Variants in BMP6 observed in about 807,000 individuals in gnomAD.
BMP6 encodes the protein bone morphogenetic protein 6.
Under a neutral mutation model 54.1 loss-of-function variants are expected in BMP6, and 17 were observed. The ratio of observed to expected loss-of-function variants is 0.31; its 90% CI spans 0.22 to 0.47. The LOEUF (loss-of-function observed/expected upper bound fraction) is 0.47, where lower values mean the gene tolerates loss of function less well. BMP6 is among the 20% of genes least tolerant of loss of function. BMP6 has a pLI of 1.00. For synonymous variants in BMP6, 328 were observed against 291.2 expected (o/e 1.13, Z -1.28); for missense variants, 720 against 690.4 (o/e 1.04, Z -0.48).
intron 1 of BMP6, among the ~76,000 whole-genome samples, chr6:7,751,498 A>G (rs1309121335): frequency 1.3e-5 from 2 of 152,222 alleles, no homozygotes; most frequent in Admixed American, 1.3e-4. Flanking sequence ...ACAATACCTA[A>G]CAGTGCAGCA....
chr6:7,781,529 T>C (rs1757948929), intron 1 of BMP6, among the ~76,000 whole-genome samples: 1 of 151,596 alleles, frequency 6.6e-6, no homozygotes, highest in South Asian at 2.1e-4. Context: ...AGTCTGGCTT[T>C]GGCTTGTACT....
intron 1 of BMP6, among the ~76,000 whole-genome samples, chr6:7,769,400 TA>T (rs1459119988): frequency 1.3e-5 from 2 of 152,216 alleles, no homozygotes; most frequent in Non-Finnish European, 2.9e-5. Flanking sequence ...TCAGCATGTT[TA>T]AAAAGCTCCC....
Position 7,862,453 on chromosome 6 carries a change from C to T in BMP6, c.1159C>T (p.Arg387Cys), listed in dbSNP as rs1306853486. 6.2e-7 allele frequency: 1 copy of T among 1,614,190 alleles called. No homozygotes were observed. Among genetic ancestry groups the T allele is most frequent in the Non-Finnish European group, 8.5e-7 (1 of 1,180,044 alleles). ...CCGGCGCCGACAACAGAGTCGTAATCGCTCTACCCAGTCCCAGGACGTGGC... is the reference window on the plus strand; with the variant it reads ...CCGGCGCCGACAACAGAGTCGTAATTGCTCTACCCAGTCCCAGGACGTGGC... ...SSRRRQQSRN[R>C]STQSQDVARV... Residue 387 changes from arginine (R) to cysteine (C), a missense_variant, in exon 4 of 7, where the codon CGC (arginine) becomes TGC (cysteine). This residue lies in a region of BMP6 where 650 missense variants were observed against 556.3 expected (regional missense o/e 1.17). Transcript: ENST00000283147.
chr6:7,863,678 G>A (rs553724972), intron 4 of BMP6, among the ~76,000 whole-genome samples: 7 of 152,166 alleles, frequency 4.6e-5, no homozygotes, highest in South Asian at 2.1e-4. Flanking sequence ...GGGCAAGAGA[G>A]AGAAACCAGC....
At chr6:7,754,874 C>T (rs921649210) in intron 1 of BMP6, among the ~76,000 whole-genome samples, 4 of 152,096 alleles carry the variant, frequency 2.6e-5, no homozygotes, top group Admixed American at 6.6e-5. Flanking sequence ...CTTGCCACCA[C>T]GCCCGGCTAA....
chr6:7,805,240 T>C (rs1011699949), intron 1 of BMP6, among the ~76,000 whole-genome samples: 9 of 152,302 alleles, frequency 5.9e-5, no homozygotes, highest in African/African-American at 2.2e-4. Context: ...TCTTTCATCT[T>C]TTCAGTGCAG....
chr6:7,757,496 C>T (rs1332777849), intron 1 of BMP6, among the ~76,000 whole-genome samples: 1 of 152,144 alleles, frequency 6.6e-6, no homozygotes, highest in African/African-American at 2.4e-5. Context: ...ATTAAGGGCC[C>T]ACCCTACTCC....
At chr6:7,764,958 G>T (rs1010571209) in intron 1 of BMP6, among the ~76,000 whole-genome samples, 3 of 152,164 alleles carry the variant, frequency 2.0e-5, no homozygotes, top group African/African-American at 7.2e-5. Flanking sequence ...TTATATAATA[G>T]ACATTTTCAT....
At chr6:7,771,911 G>A (rs1313030038) in intron 1 of BMP6, among the ~76,000 whole-genome samples, 1 of 152,016 alleles carries the variant, frequency 6.6e-6, no homozygotes, top group Admixed American at 6.6e-5. Context: ...AAATTAGCCA[G>A]GCGTGATGGT....
intron 1 of BMP6, among the ~76,000 whole-genome samples, chr6:7,805,537 C>T (rs565699219): frequency 3.3e-5 from 5 of 152,050 alleles, no homozygotes; most frequent in Admixed American, 6.5e-5. Context: ...TGGTTTAGGA[C>T]GGATGGAATT....
At chr6:7,820,199 A>C (rs1317285893) in intron 1 of BMP6, among the ~76,000 whole-genome samples, 4 of 152,268 alleles carry the variant, frequency 2.6e-5, no homozygotes, top group East Asian at 1.9e-4. Context: ...ATGTGTGTGC[A>C]TATACAAATG....
In BMP6 at chr6:7,880,215, T is replaced by C; in HGVS notation, c.1414T>C (p.Tyr472His). 6.2e-7 allele frequency: 1 copy of C among 1,614,126 alleles called. No homozygotes were observed. The highest frequency in any genetic ancestry group is 8.5e-7 in the Non-Finnish European group (1 of 1,180,022). Reference sequence around the variant, plus strand: ...ACAGGTTCACCTTATGAACCCCGAGTATGTCCCCAAACCGTGCTGTGCGCC... The same window carrying C: ...ACAGGTTCACCTTATGAACCCCGAGCATGTCCCCAAACCGTGCTGTGCGCC... ...QTLVHLMNPE[Y>H]VPKPCCAPTK... Residue 472 changes from tyrosine to histidine, a missense_variant, in exon 7 of 7, where the codon TAT becomes CAT. Coordinates refer to ENST00000283147, the MANE Select transcript of BMP6 (RefSeq NM_001718.6).
intron 1 of BMP6, among the ~76,000 whole-genome samples, chr6:7,806,757 C>T (rs1001171272): frequency 6.6e-6 from 1 of 151,712 alleles, no homozygotes; most frequent in Non-Finnish European, 1.5e-5. Context: ...TTAATATTTT[C>T]CACTTAAAAT....
chr6:7,858,795 C>T (rs778721238), intron 2 of BMP6, among the ~76,000 whole-genome samples: 13 of 149,736 alleles, frequency 8.7e-5, no homozygotes, highest in Non-Finnish European at 1.2e-4. Context: ...CCAGAGGCCC[C>T]GAGCATCCTA....
intron 1 of BMP6, among the ~76,000 whole-genome samples, chr6:7,728,505 T>C (rs983915408): frequency 1.3e-5 from 2 of 152,120 alleles, no homozygotes; most frequent in Non-Finnish European, 2.9e-5. Flanking sequence ...ACATCGCCCT[T>C]TCTCCCCCCT....
intron 1 of BMP6, among the ~76,000 whole-genome samples, chr6:7,811,772 T>A (rs1232008104): frequency 6.6e-6 from 1 of 152,200 alleles, no homozygotes; most frequent in Non-Finnish European, 1.5e-5. Flanking sequence ...ACATTTCCCT[T>A]CGTTAAACTT....
intron 1 of BMP6, among the ~76,000 whole-genome samples, chr6:7,775,572 G>T (rs535582692): frequency 2.6e-5 from 4 of 152,220 alleles, no homozygotes; most frequent in Non-Finnish European, 5.9e-5. Flanking sequence ...GATTAAAATA[G>T]GAGGAAGATG....
intron 2 of BMP6, among the ~76,000 whole-genome samples, 157 bp from the exon 3 acceptor site, chr6:7,861,294 C>T (rs891415698): frequency 9.2e-5 from 14 of 152,054 alleles, no homozygotes; most frequent in Non-Finnish European, 1.6e-4. Flanking sequence ...CTGGGTGGTA[C>T]CACGCCTTTC....
chr6:7,773,608 C>T (rs570947614), intron 1 of BMP6, among the ~76,000 whole-genome samples: 1 of 152,242 alleles, frequency 6.6e-6, no homozygotes, highest in East Asian at 1.9e-4. Context: ...AACGTATTTT[C>T]TTTCAGAAAA....
Sources: gnomAD v4.1 joint callset for allele counts (sites outside exome capture counted in the v4.1 genomes callset) on GRCh38, gnomAD v4.1.1 for gene constraint, gnomAD v4.1.1 regional missense constraint, MANE v1.5 for transcripts, NCBI Gene and HGNC (gene_info 2026-07-23, HGNC 2026-07-21) for gene names.